The following ZNF155 variants were observed in gnomAD, a reference collection of about 807,000 sequenced individuals.
The protein encoded by ZNF155 is zinc finger protein 155.
ZNF155 carries 15 observed loss-of-function variants against 11.9 expected under a neutral mutation model. The observed-to-expected ratio is 1.26, with a 90% CI of 0.84 to 1.94. The LOEUF (loss-of-function observed/expected upper bound fraction) is 1.94, where lower values mean the gene tolerates loss of function less well. Ranked by LOEUF, ZNF155 falls within the 30% of genes most tolerant of loss-of-function variation. ZNF155 has a pLI of 0.00. For missense variants in ZNF155, 602 were observed against 639.1 expected, an observed-to-expected ratio of 0.94 and a Z score of 0.63; for synonymous variants, 212 against 219.9, an observed-to-expected ratio of 0.96 and a Z score of 0.32.
chr19:43,989,520 G>C (rs560212629), intron 2 of ZNF155, among the ~76,000 whole-genome samples: 4 of 152,076 alleles, frequency 2.6e-5, no homozygotes, highest in Non-Finnish European at 5.9e-5. Flanking sequence ...TTAGCCATTC[G>C]GCTCAGGTGA....
chr19:43,986,582 T>A (rs1425412895), intron 1 of ZNF155, among the ~76,000 whole-genome samples: 2 of 151,868 alleles, frequency 1.3e-5, no homozygotes, highest in African/African-American at 4.8e-5. Flanking sequence ...CCTGAGTAGC[T>A]GGGACTACAG....
intron 1 of ZNF155, 119 bp from the exon 2 acceptor site, chr19:43,988,340 G>C (rs1156793536): frequency 2.4e-6 from 1 of 418,568 alleles, no homozygotes; most frequent in East Asian, 3.5e-5. Context: ...ACCACCATTT[G>C]CCTATCCATT....
intron 4 of ZNF155, among the ~76,000 whole-genome samples, chr19:43,995,584 A>T (rs886498463): frequency 6.6e-6 from 1 of 151,758 alleles, no homozygotes; most frequent in African/African-American, 2.4e-5. Flanking sequence ...GGGTTTTGCT[A>T]TATTGCCCAG....
chr19:43,984,305 G>C (rs888524579), intron 1 of ZNF155, 60 bp downstream of exon 1: 1 of 152,162 alleles, frequency 6.6e-6, no homozygotes, highest in African/African-American at 2.4e-5. Context: ...CTAACGACCT[G>C]GGGGGTCAAC....
chr19:43,991,355 C>G (rs1283681528), intron 2 of ZNF155, among the ~76,000 whole-genome samples, 193 bp from the exon 3 acceptor site: 1 of 152,162 alleles, frequency 6.6e-6, no homozygotes, highest in Non-Finnish European at 1.5e-5. Flanking sequence ...CATTGCACTT[C>G]TGGTGGAGTT....
intron 4 of ZNF155, among the ~76,000 whole-genome samples, chr19:43,992,671 T>C (rs1346751989): frequency 1.3e-5 from 2 of 152,266 alleles, no homozygotes; most frequent in African/African-American, 4.8e-5. Flanking sequence ...TGTGATTGCA[T>C]TGGTCACTCC....
rs746403774 is a variant in ZNF155, at chr19:43,997,230, G to T, written c.1373G>T (p.Cys458Phe). The change falls in exon 5 of 5, where the codon TGT (cysteine) becomes TTT (phenylalanine). Residue 458 changes from cysteine (C) to phenylalanine (F), a missense_variant. By Grantham distance (205) the Cys-to-Phe change is radical (BLOSUM62 -2). Transcript: ENST00000270014. Reference protein sequence around the residue: ...RVHTGERPYNCKECGKNFSRA... With the variant: ...RVHTGERPYNFKECGKNFSRA... ...CACACGGGAGAGAGACCTTATAATT[G>T]TAAGGAATGTGGGAAGAACTTTAGC... 5.6e-6 allele frequency: 9 copies of T among 1,614,024 alleles called. No individual in the cohort carries two copies. In the Admixed American group the frequency reaches 1.0e-4, roughly 18 times the overall value.
intron 1 of ZNF155, among the ~76,000 whole-genome samples, chr19:43,986,607 GC>G (rs761023041): frequency 2.0e-4 from 30 of 151,856 alleles, no homozygotes; most frequent in Non-Finnish European, 4.1e-4. Context: ...CGGCCACCAT[GC>G]CCGGCTATTT....
In ZNF155 at chr19:43,992,357, A is replaced by G. The variant is rs568149711; in HGVS notation, c.235+423A>G. 3.9e-5 allele frequency among the ~76,000 whole-genome samples: 6 copies of G among 152,286 alleles called. No individual in the cohort carries two copies. The South Asian group carries it at 8.3e-4, about 21-fold the overall frequency. ...ACTGTATTGCCTGTTGTGGTAACCA[A>G]TGACCACAAACTTAGTGGACTAAAC... On this transcript the variant is annotated intron_variant, in intron 4 of 4. Transcript: ENST00000270014.
At position 43,994,450 on chromosome 19, in the gene ZNF155, G is replaced by A. The variant is rs544218592; in HGVS notation, c.236-1643G>A. ...AGTTCAACCAACTACAAAATTTACT[G>A]AGACATTTTACAGAGAACTGCTCTC... On this transcript the variant is annotated intron_variant, in intron 4 of 4. Coordinates refer to ENST00000270014, the MANE Select transcript of ZNF155 (RefSeq NM_198089.3). 2.6e-5 allele frequency among the ~76,000 whole-genome samples: 4 copies of A among 152,328 alleles called. 1 individual carries two copies. The South Asian group carries it at 8.3e-4, about 32-fold the overall frequency.
intron 1 of ZNF155, among the ~76,000 whole-genome samples, chr19:43,986,376 A>T (rs1179467055): frequency 6.6e-6 from 1 of 151,936 alleles, no homozygotes; most frequent in Non-Finnish European, 1.5e-5. Context: ...GAAATTTTTA[A>T]ATACTGCTAA....
In ZNF155 at chr19:43,996,653, G is replaced by GGGAA. The variant is rs1306123704; in HGVS notation, c.799_802dup (p.Ala268GlufsTer6). 1 of 1,614,000 alleles carries GGGAA rather than the reference G, an allele frequency of 6.2e-7. No homozygotes were observed. The highest frequency in any genetic ancestry group is 2.2e-5 in the East Asian group (1 of 44,886). On this transcript the variant is annotated frameshift_variant, in exon 5 of 5. Transcript: ENST00000270014. LOFTEE classifies it low-confidence loss of function (END_TRUNC). The stretch of plus-strand genomic sequence containing the variant: ...GAAACCTTACATTTGTGAGGCATGT[G>GGGAA]GGAAGGCCTTCATTCATGATTCCCA...
Position 43,996,473 on chromosome 19 carries a change from T to G in ZNF155, c.616T>G (p.Cys206Gly), listed in dbSNP as rs769061523. The G allele has an allele frequency of 5.0e-6, 8 of 1,614,208 alleles. No individual in the cohort carries two copies. The East Asian group carries it at 1.6e-4, about 31-fold the overall frequency. Reference protein sequence around the residue: ...RVHVGEKLFMCDVCGKEFSQS... With the variant: ...RVHVGEKLFMGDVCGKEFSQS... ...CCACGTGGGAGAGAAACTCTTTATG[T>G]GTGATGTGTGTGGCAAGGAATTTAG... The change falls in exon 5 of 5, where the codon TGT becomes GGT. Residue 206 changes from cysteine to glycine, a missense_variant. Physicochemically the swap from Cys to Gly is radical, Grantham distance 159. Transcript: ENST00000270014.
intron 1 of ZNF155, among the ~76,000 whole-genome samples, chr19:43,987,764 A>G (rs1327008805): frequency 2.0e-5 from 3 of 152,240 alleles, no homozygotes; most frequent in African/African-American, 4.8e-5. Flanking sequence ...TCAACTATAA[A>G]TATTCTATCA....
At chr19:43,987,853 C>T (rs1476225024) in intron 1 of ZNF155, among the ~76,000 whole-genome samples, 1 of 152,148 alleles carries the variant, frequency 6.6e-6, no homozygotes. Context: ...GTATTTTTTA[C>T]GTATCATAGC....
Position 43,996,513 on chromosome 19 carries a change from T to A in ZNF155, c.656T>A (p.Leu219Gln). 6.2e-7 allele frequency: 1 copy of A among 1,614,206 alleles called. No individual in the cohort carries two copies. Among genetic ancestry groups the A allele is most frequent in the Non-Finnish European group, 8.5e-7 (1 of 1,180,020 alleles). The change falls in exon 5 of 5, where the codon CTG (leucine) becomes CAG (glutamine). Residue 219 changes from leucine (L) to glutamine (Q), a missense_variant. Coordinates refer to ENST00000270014, the MANE Select transcript of ZNF155 (RefSeq NM_198089.3). ...AAGGAATTTAGTCAAAGCTCACATCTGCAAACTCATCAGAGAGTCCACACT... is the reference window on the plus strand; with the variant it reads ...AAGGAATTTAGTCAAAGCTCACATCAGCAAACTCATCAGAGAGTCCACACT... ...CGKEFSQSSHLQTHQRVHTGE... is the reference protein window; with the variant it reads ...CGKEFSQSSHQQTHQRVHTGE...
rs1975957055 is a variant in ZNF155 at position 43,997,685 on chromosome 19, A to G, written c.*211A>G. 4.0e-6 allele frequency: 2 copies of G among 505,632 alleles called. No homozygotes were observed. The highest frequency in any genetic ancestry group is 3.7e-5 in the Admixed American group (1 of 26,748). 31.3% of individuals were successfully genotyped at this position (505,632 alleles called of 1,614,324 possible). A position where few individuals can be genotyped will look rare whatever the true frequency, so the allele number is the denominator to read the frequency against. On this transcript the variant is annotated 3_prime_UTR_variant, in exon 5 of 5. Transcript: ENST00000270014. ...AAACGGGTCAGTGTCTCATCCCCAC[A>G]TAACACAAAAAGCAGCCTGGGGAAG...
At chr19:43,987,083 A>C (rs1472154630) in intron 1 of ZNF155, among the ~76,000 whole-genome samples, 1 of 152,230 alleles carries the variant, frequency 6.6e-6, no homozygotes, top group Non-Finnish European at 1.5e-5. Flanking sequence ...TTAAGATATC[A>C]TATTAAATGA....
intron 1 of ZNF155, among the ~76,000 whole-genome samples, chr19:43,986,443 ATTTGTG>A (rs1403691625): frequency 1.8e-5 from 2 of 113,264 alleles, no homozygotes; most frequent in Non-Finnish European, 3.3e-5. Flanking sequence ...TATTATTCCC[ATTTGTG>A]TTTTTTTTTT....
Sources: gnomAD v4.1 joint callset for allele counts (sites outside exome capture counted in the v4.1 genomes callset) on GRCh38, gnomAD v4.1.1 for gene constraint, MANE v1.5 for transcripts, NCBI Gene and HGNC (gene_info 2026-07-23, HGNC 2026-07-21) for gene names.